Variants in SPC24 observed in about 807,000 individuals in gnomAD.
SPC24 encodes the protein SPC24 component of NDC80 kinetochore complex, also known as kinetochore protein Spc24.
Under a neutral mutation model 27.6 loss-of-function variants are expected in SPC24, and 31 were observed. The observed-to-expected ratio is 1.12, with a 90% CI of 0.84 to 1.52. SPC24 has a LOEUF of 1.52. Ranked by LOEUF, SPC24 falls within the 40% of genes most tolerant of loss-of-function variation. The probability of loss-of-function intolerance (pLI) is 0.00; values close to 1 mark genes in which losing one functional copy is unlikely to be tolerated. For missense variants in SPC24, 284 were observed against 252.5 expected (o/e 1.12, Z -0.84); for synonymous variants, 105 against 105.8 (o/e 0.99, Z 0.05).
intron 1 of SPC24, 54 bp from the exon 2 acceptor site, chr19:11,149,292 C>T (rs1052196246): frequency 3.6e-6 from 5 of 1,399,936 alleles, no homozygotes; most frequent in Non-Finnish European, 4.7e-6. Flanking sequence ...CCAAGGAGAG[C>T]AGAGAGAAGG....
chr19:11,153,462 A>G (rs1327921844), intron 1 of SPC24, among the ~76,000 whole-genome samples: 4 of 151,630 alleles, frequency 2.6e-5, no homozygotes, highest in South Asian at 2.1e-4. Flanking sequence ...AAAATAAAAA[A>G]AAGAAAATAG....
Position 11,148,111 on chromosome 19 carries a change from G to A in SPC24, c.312C>T (p.Leu104=), listed in dbSNP as rs2077842955. 2.5e-6 allele frequency: 4 copies of A among 1,613,234 alleles called. No homozygotes were observed. Among genetic ancestry groups the A allele is most frequent in the Admixed American group, 1.7e-5 (1 of 59,924 alleles). The change falls in exon 3 of 5, where the codon CTC becomes CTT. Residue 104 remains leucine, a synonymous_variant. Coordinates refer to ENST00000592540, the MANE Select transcript of SPC24 (RefSeq NM_182513.4). ...CCTTGAGCTCTTCCAGCTCTCTGGT[G>A]AGCTGAGTAGGGCAGGTCGTTAAGG... ...DTRLKASLLQ[L]TRELEELKEI...
intron 1 of SPC24, among the ~76,000 whole-genome samples, chr19:11,153,035 AG>A (rs2077884167): frequency 6.6e-6 from 1 of 152,048 alleles, no homozygotes; most frequent in Admixed American, 6.6e-5. Flanking sequence ...TGACTGTATA[AG>A]GCACCTGAAA....
chr19:11,155,155 T>A (rs565875056), intron 1 of SPC24, among the ~76,000 whole-genome samples: 1 of 152,106 alleles, frequency 6.6e-6, no homozygotes, highest in African/African-American at 2.4e-5. Flanking sequence ...CAGCAGCAGA[T>A]GCTCCATAAA....
intron 2 of SPC24, 49 bp from the exon 3 acceptor site, chr19:11,148,166 G>T: frequency 7.8e-7 from 1 of 1,288,852 alleles, no homozygotes; most frequent in Non-Finnish European, 1.1e-6. Context: ...GGCTGCCCCT[G>T]CGCTAACTGC....
At chr19:11,151,146 G>A (rs2077867786) in intron 1 of SPC24, among the ~76,000 whole-genome samples, 2 of 118,602 alleles carry the variant, frequency 1.7e-5, no homozygotes, top group Non-Finnish European at 3.2e-5. Context: ...CTGGGCGACA[G>A]AGCCAGACTC....
At position 11,148,037 on chromosome 19, in the gene SPC24, G is replaced by A. The variant is rs367711378; in HGVS notation, c.386C>T (p.Thr129Met). The change falls in exon 3 of 5, where the codon ACG becomes ATG. Residue 129 changes from threonine (T) to methionine (M), a missense_variant. Physicochemically the swap from Thr to Met is moderately conservative, Grantham distance 81. Transcript: ENST00000592540. ...CACGGCCGAGGGGATTGTGACTGTC[G>A]TGTCCTCGTCGACCTCCTTCTCCTG... ...ERQEKEVDED[T>M]TVTIPSAVYV... 3.9e-5 allele frequency: 63 copies of A among 1,613,468 alleles called. No individual in the cohort carries two copies. Among genetic ancestry groups the A allele is most frequent in the East Asian group, 1.3e-4 (6 of 44,872 alleles).
rs562569918 is a variant in SPC24 at position 11,145,588 on chromosome 19, C to T, written c.*1595G>A. On this transcript the variant is annotated 3_prime_UTR_variant, in exon 5 of 5. Coordinates refer to ENST00000592540, the MANE Select transcript of SPC24 (RefSeq NM_182513.4). ...CAAGGTAGAAGTTGAGATTGGTTCTCCCCTTCTCTCTCCCATTTAAATAAG... is the reference window on the plus strand; with the variant it reads ...CAAGGTAGAAGTTGAGATTGGTTCTTCCCTTCTCTCTCCCATTTAAATAAG... The T allele has an allele frequency of 2.6e-5, 4 of 152,164 alleles. No individual in the cohort carries two copies. The highest frequency in any genetic ancestry group is 5.9e-5 in the Non-Finnish European group (4 of 68,054). The allele number at this position is 152,164 out of a possible 1,614,324, so 9.4% of individuals were successfully genotyped here.
At chr19:11,147,561 TG>T in intron 4 of SPC24, 1 of 568,540 alleles carries the variant, frequency 1.8e-6, no homozygotes, top group Non-Finnish European at 3.1e-6. Context: ...CCCAAAGTGC[TG>T]GGATTACAGG....
chr19:11,151,073 G>A (rs1217193087), intron 1 of SPC24, among the ~76,000 whole-genome samples: 5 of 143,682 alleles, frequency 3.5e-5, no homozygotes, highest in African/African-American at 1.0e-4. Context: ...TGAAGCAGGA[G>A]AATGGTGTGA....
At chr19:11,148,404 C>A (rs10424615) in intron 2 of SPC24, among the ~76,000 whole-genome samples, 20,598 of 152,074 alleles carry the variant, frequency 0.14, 1,938 homozygotes, top group African/African-American at 0.27. Flanking sequence ...GACAGGGTTT[C>A]ACCATATTGG....
intron 1 of SPC24, among the ~76,000 whole-genome samples, chr19:11,151,688 C>T (rs2077873160): frequency 6.6e-6 from 1 of 152,020 alleles, no homozygotes; most frequent in Non-Finnish European, 1.5e-5. Flanking sequence ...CAGCTCACTG[C>T]AACCTCCGCC....
In SPC24 at chr19:11,155,615, A is replaced by G. The variant is rs1568634703; in HGVS notation, c.160+2T>C. 6 of 1,540,702 alleles carry G rather than the reference A, an allele frequency of 3.9e-6. No homozygotes were observed. Among genetic ancestry groups the G allele is most frequent in the Non-Finnish European group, 5.2e-6 (6 of 1,149,078 alleles). ...GGCCCGCGACCACGCTCCGACCCTC[A>G]CCTCGCAGCTGCTTCTCGGCACCGT... is the stretch of plus-strand genomic sequence containing the variant. On this transcript the variant is annotated splice_donor_variant, in intron 1 of 4. Coordinates refer to ENST00000592540, the MANE Select transcript of SPC24 (RefSeq NM_182513.4). LOFTEE classifies it high-confidence loss of function.
In SPC24 at chr19:11,147,835, G is replaced by A. The variant is rs781054321; in HGVS notation, c.470C>T (p.Pro157Leu). The A allele has an allele frequency of 6.2e-7, 1 of 1,611,154 alleles. No homozygotes were observed. The highest frequency in any genetic ancestry group is 1.7e-5 in the Admixed American group (1 of 59,544). Residue 157 changes from proline (P) to leucine (L), a missense_variant, in exon 4 of 5, where the codon CCA (proline) becomes CTA (leucine). Transcript: ENST00000592540. The part of the protein sequence containing the change: ...SKIEWDYECE[P>L]GMVKGIHHGP... ...AAGGATACTGCCTTTGACCATCCCT[G>A]GCTCACACTCATAATCCCACTCAAT... is the stretch of plus-strand genomic sequence containing the variant.
At chr19:11,151,629 GGA>G (rs1568632647) in intron 1 of SPC24, among the ~76,000 whole-genome samples, 1 of 151,416 alleles carries the variant, frequency 6.6e-6, no homozygotes. Flanking sequence ...TGGGGGGGGG[GGA>G]TGGAGTCTTG....
At chr19:11,153,867 A>G (rs2077891521) in intron 1 of SPC24, among the ~76,000 whole-genome samples, 1 of 151,348 alleles carries the variant, frequency 6.6e-6, no homozygotes, top group African/African-American at 2.4e-5. Context: ...GGAGATCGAG[A>G]CCATCCTGGC....
At chr19:11,151,032 G>C (rs1040438541) in intron 1 of SPC24, among the ~76,000 whole-genome samples, 1 of 151,784 alleles carries the variant, frequency 6.6e-6, no homozygotes, top group East Asian at 1.9e-4. Context: ...GCGTGGCGGA[G>C]GGCGCCTGTA....
At position 11,151,162 on chromosome 19, in the gene SPC24, C is replaced by CAAAA. The variant is rs397859905; in HGVS notation, c.161-1928_161-1925dup. 3.3e-4 allele frequency among the ~76,000 whole-genome samples: 29 copies of CAAAA among 88,732 alleles called. 1 individual carries two copies. The highest frequency in any genetic ancestry group is 4.4e-4 in the Admixed American group (3 of 6,796). The allele number at this position is 88,732 out of a possible 152,430, so 58.2% of individuals were successfully genotyped here. On this transcript the variant is annotated intron_variant, in intron 1 of 4. Coordinates refer to ENST00000592540, the MANE Select transcript of SPC24 (RefSeq NM_182513.4). ...TGGGCGACAGAGCCAGACTCCGTCTCAAAAAAAAAAAAAAAAAAAAAATGC... is the reference window on the plus strand; with the variant it reads ...TGGGCGACAGAGCCAGACTCCGTCTCAAAAAAAAAAAAAAAAAAAAAAAAAATGC...
intron 1 of SPC24, among the ~76,000 whole-genome samples, chr19:11,151,028 C>T (rs760740500): frequency 6.1e-4 from 92 of 151,538 alleles, no homozygotes; most frequent in Non-Finnish European, 9.4e-4. Flanking sequence ...CTGGGCGTGG[C>T]GGAGGGCGCC....
Sources: allele counts gnomAD v4.1 joint callset (sites outside exome capture counted in the v4.1 genomes callset), GRCh38; gene constraint gnomAD v4.1.1; transcripts MANE v1.5; gene names NCBI Gene and HGNC (gene_info 2026-07-23, HGNC 2026-07-21).